HCN1: variants seen among roughly 807,000 people sequenced by gnomAD.
The protein encoded by HCN1 is hyperpolarization activated cyclic nucleotide gated potassium channel 1.
In HCN1, 13 loss-of-function variants were observed where a neutral mutation model predicts 78.9. That is an observed-to-expected ratio of 0.16 (90% CI 0.11 to 0.26). The LOEUF (loss-of-function observed/expected upper bound fraction) is 0.26. HCN1 is among the 10% of genes least tolerant of loss of function. HCN1 has a pLI of 1.00. For synonymous variants in HCN1, 552 were observed against 455.5 expected (o/e 1.21, Z -2.70); for missense variants, 810 against 1,154.3 (o/e 0.70, Z 4.32).
At chr5:45,674,784 G>C (rs1412913318) in intron 1 of HCN1, among the ~76,000 whole-genome samples, 3 of 151,632 alleles carry the variant, frequency 2.0e-5, no homozygotes, top group Admixed American at 1.3e-4. Flanking sequence ...TTTTCAATAA[G>C]ATATGCATGG....
chr5:45,418,866 T>C (rs1740169278), intron 3 of HCN1, among the ~76,000 whole-genome samples: 1 of 152,184 alleles, frequency 6.6e-6, no homozygotes, highest in Non-Finnish European at 1.5e-5. Context: ...GATTTATATA[T>C]AATTCTATAT....
chr5:45,685,859 A>G (rs10071528), intron 1 of HCN1, among the ~76,000 whole-genome samples: 1,597 of 152,288 alleles, frequency 0.01, 29 homozygotes, highest in African/African-American at 0.037. Context: ...CACCATTTAC[A>G]TGGCCATTCC....
At chr5:45,550,360 C>T (rs578173006) in intron 2 of HCN1, among the ~76,000 whole-genome samples, 2 of 151,764 alleles carry the variant, frequency 1.3e-5, no homozygotes, top group Non-Finnish European at 2.9e-5. Flanking sequence ...ACATGGATGA[C>T]CTGGAAACCA....
chr5:45,390,288 C>T (rs146153472), intron 4 of HCN1, among the ~76,000 whole-genome samples: 1 of 152,256 alleles, frequency 6.6e-6, no homozygotes, highest in African/African-American at 2.4e-5. Flanking sequence ...CCCTGGTCAC[C>T]AGGTTTCCCT....
At chr5:45,650,305 A>G (rs1417593677) in intron 1 of HCN1, among the ~76,000 whole-genome samples, 5 of 152,138 alleles carry the variant, frequency 3.3e-5, no homozygotes, top group Non-Finnish European at 7.4e-5. Flanking sequence ...CAAAAATGAT[A>G]GCTTCGGAAT....
At chr5:45,680,406 C>A (rs1027025948) in intron 1 of HCN1, among the ~76,000 whole-genome samples, 3 of 152,054 alleles carry the variant, frequency 2.0e-5, no homozygotes, top group African/African-American at 4.8e-5. Flanking sequence ...TTACATAATA[C>A]CTCCTTTCTA....
At chr5:45,430,302 T>C (rs1366152941) in intron 3 of HCN1, among the ~76,000 whole-genome samples, 1 of 152,150 alleles carries the variant, frequency 6.6e-6, no homozygotes, top group African/African-American at 2.4e-5. Flanking sequence ...TTTTATTTTA[T>C]GGTTCAGGGG....
At chr5:45,609,326 C>G (rs1270255830) in intron 2 of HCN1, among the ~76,000 whole-genome samples, 1 of 151,944 alleles carries the variant, frequency 6.6e-6, no homozygotes, top group Non-Finnish European at 1.5e-5. Context: ...TGCCCATCAA[C>G]AATAAGATAG....
chr5:45,479,323 C>T (rs1471683), intron 2 of HCN1, among the ~76,000 whole-genome samples: 37,916 of 151,848 alleles, frequency 0.25, 4,908 homozygotes, highest in East Asian at 0.32. Context: ...CTATGAATGA[C>T]TTTAGAAGCC....
rs944426089 is a variant in HCN1 at position 45,258,747 on chromosome 5, A to G, written c.*3174T>C. On this transcript the variant is annotated 3_prime_UTR_variant, in exon 8 of 8. Coordinates refer to ENST00000303230, the MANE Select transcript of HCN1 (RefSeq NM_021072.4). ...ACCTATTTTGTTTAAGGCTATAAAT[A>G]TGAATGTATTTATATAAACCTGTTT... 2.6e-5 allele frequency: 4 copies of G among 152,006 alleles called. No homozygotes were observed. The highest frequency in any genetic ancestry group is 4.8e-5 in the African/African-American group (2 of 41,440). The allele number at this position is 152,006 out of a possible 1,614,324, so 9.4% of individuals were successfully genotyped here. A position where few individuals can be genotyped will look rare whatever the true frequency, so the allele number is the denominator to read the frequency against.
At chr5:45,421,726 G>A (rs1174154239) in intron 3 of HCN1, among the ~76,000 whole-genome samples, 1 of 152,114 alleles carries the variant, frequency 6.6e-6, no homozygotes, top group African/African-American at 2.4e-5. Context: ...AAAATACAAT[G>A]GACTGATGTC....
rs1286225717 is a variant in HCN1, at chr5:45,374,008, C to T, written c.1231-20762G>A. On this transcript the variant is annotated intron_variant, in intron 4 of 7. Coordinates refer to ENST00000303230, the MANE Select transcript of HCN1 (RefSeq NM_021072.4). ...TAATATATATAATATATATTATATA[C>T]ATAATATATATTATATATATTATAT... 7.1e-4 allele frequency among the ~76,000 whole-genome samples: 63 copies of T among 88,432 alleles called. 2 individuals are homozygous for T. Among genetic ancestry groups the T allele is most frequent in the Admixed American group, 1.2e-3 (8 of 6,528 alleles). 58.0% of individuals were successfully genotyped at this position (88,432 alleles called of 152,430 possible). A position where few individuals can be genotyped will look rare whatever the true frequency, so the allele number is the denominator to read the frequency against.
At chr5:45,285,287 A>G (rs1745245764) in intron 6 of HCN1, among the ~76,000 whole-genome samples, 1 of 152,066 alleles carries the variant, frequency 6.6e-6, no homozygotes, top group South Asian at 2.1e-4. Flanking sequence ...GCCAATGCAC[A>G]TGGCTAATGC....
At chr5:45,277,808 A>G (rs1745094585) in intron 6 of HCN1, among the ~76,000 whole-genome samples, 2 of 152,276 alleles carry the variant, frequency 1.3e-5, no homozygotes, top group South Asian at 2.1e-4. Flanking sequence ...GGATGCTTCA[A>G]TCAGACTGTG....
intron 5 of HCN1, among the ~76,000 whole-genome samples, chr5:45,349,273 A>G (rs952869304): frequency 6.6e-6 from 1 of 152,210 alleles, no homozygotes; most frequent in Non-Finnish European, 1.5e-5. Flanking sequence ...CTGAATGACT[A>G]CTGGGTACAT....
At chr5:45,543,702 G>T (rs1356781619) in intron 2 of HCN1, among the ~76,000 whole-genome samples, 2 of 151,924 alleles carry the variant, frequency 1.3e-5, no homozygotes, top group African/African-American at 4.8e-5. Flanking sequence ...AATCACTGAG[G>T]TAATAGAAAT....
At chr5:45,375,266 T>C (rs1329312490) in intron 4 of HCN1, among the ~76,000 whole-genome samples, 1 of 118,216 alleles carries the variant, frequency 8.5e-6, no homozygotes, top group Non-Finnish European at 1.6e-5. Flanking sequence ...TAATATTTTA[T>C]AATATATAAT....
intron 4 of HCN1, among the ~76,000 whole-genome samples, chr5:45,389,648 C>A (rs996527299): frequency 1.3e-5 from 2 of 152,118 alleles, no homozygotes; most frequent in Non-Finnish European, 2.9e-5. Context: ...AATAACACGA[C>A]AACTTATAAC....
intron 1 of HCN1, among the ~76,000 whole-genome samples, chr5:45,693,324 T>A: frequency 6.6e-6 from 1 of 152,278 alleles, no homozygotes; most frequent in African/African-American, 2.4e-5. Context: ...TTTTGCAGTT[T>A]GTTTTAGAAC....
Sources: allele counts gnomAD v4.1 joint callset (sites outside exome capture counted in the v4.1 genomes callset), GRCh38; gene constraint gnomAD v4.1.1; transcripts MANE v1.5; gene names NCBI Gene and HGNC (gene_info 2026-07-23, HGNC 2026-07-21).